Variants in KIF15 observed in about 807,000 individuals in gnomAD.
The protein encoded by KIF15 is kinesin family member 15, also known as kinesin-like protein KIF15.
KIF15 carries 140 observed loss-of-function variants against 190.6 expected under a neutral mutation model. That is an observed-to-expected ratio of 0.73 (90% CI 0.64 to 0.84). KIF15 has a LOEUF of 0.84. Among genes scored for constraint, KIF15 ranks in the 40% least tolerant of loss-of-function variants. KIF15 has a pLI of 0.00. For missense variants in KIF15, 1,372 were observed against 1,584.4 expected, an observed-to-expected ratio of 0.87 and a Z score of 2.28; for synonymous variants, 528 against 551.3, an observed-to-expected ratio of 0.96 and a Z score of 0.59.
At chr3:44,798,893 C>T (rs535359864) in intron 10 of KIF15, among the ~76,000 whole-genome samples, 11 of 152,306 alleles carry the variant, frequency 7.2e-5, no homozygotes, top group South Asian at 2.1e-4. Context: ...CTGCGCCCAA[C>T]TTCTGATGCC....
At chr3:44,773,300 G>C (rs1233968011) in intron 1 of KIF15, among the ~76,000 whole-genome samples, 3 of 152,216 alleles carry the variant, frequency 2.0e-5, no homozygotes, top group African/African-American at 7.2e-5. Context: ...TTTAATTGCT[G>C]TTTCTTCCCT....
At position 44,775,302 on chromosome 3, in the gene KIF15, A is replaced by G. The variant is rs142417773; in HGVS notation, c.111A>G (p.Ala37=). The change falls in exon 3 of 35, where the codon GCA becomes GCG. Residue 37 remains alanine, a synonymous_variant. Transcript: ENST00000326047. The part of the protein sequence containing the change: ...IKVFVRIRPP[A]ERSGSADGEQ... ...TTTTTGTGCGAATTCGTCCTCCTGCAGAAAGATCTGGGTCAGCTGATGGAG... is the reference window on the plus strand; with the variant it reads ...TTTTTGTGCGAATTCGTCCTCCTGCGGAAAGATCTGGGTCAGCTGATGGAG... The G allele has an allele frequency of 9.7e-5, 156 of 1,614,092 alleles. No homozygotes were observed. The African/African-American group carries it at 1.9e-3, about 19-fold the overall frequency.
chr3:44,840,454 C>T lies in KIF15; in HGVS notation c.3418C>T (p.Gln1140Ter). The T allele has an allele frequency of 6.3e-7, 1 of 1,581,718 alleles. No individual in the cohort carries two copies. The highest frequency in any genetic ancestry group is 8.6e-7 in the Non-Finnish European group (1 of 1,160,816). ...GATGGATTCTGCTGCTGAGGATCCC[C>T]AGGTACTTTTCAGAAAAAGATTATT... ...HVMDSAAEDP[Q>*]SPKTPPHFQT... The change falls in exon 28 of 35, where the codon CAG (glutamine) becomes TAG (stop). Residue 1140 changes from glutamine (Q) to a stop codon, truncating the protein, a stop_gained and splice_region_variant. Transcript: ENST00000326047. LOFTEE classifies it high-confidence loss of function.
intron 20 of KIF15, among the ~76,000 whole-genome samples, chr3:44,825,305 A>G (rs1285707901): frequency 6.6e-6 from 1 of 152,184 alleles, no homozygotes; most frequent in Non-Finnish European, 1.5e-5. Context: ...TCTATTGCCC[A>G]TGTATCTGTC....
At chr3:44,821,888 G>A (rs540965202) in intron 20 of KIF15, among the ~76,000 whole-genome samples, 164 of 152,368 alleles carry the variant, frequency 1.1e-3, no homozygotes, top group Non-Finnish European at 1.8e-3. Flanking sequence ...TCGGGAGGCC[G>A]AGGCTGGCGG....
chr3:44,847,877 G>T, intron 30 of KIF15, 108 bp from the exon 31 acceptor site: 1 of 754,378 alleles, frequency 1.3e-6, no homozygotes, highest in Non-Finnish European at 2.2e-6. Context: ...GCCTTTCTTT[G>T]TACACCTTGG....
chr3:44,841,547 G>A lies in KIF15; in HGVS notation c.3585+309G>A, dbSNP rs182624592. 5.3e-4 allele frequency among the ~76,000 whole-genome samples: 80 copies of A among 151,936 alleles called. No individual in the cohort carries two copies. The East Asian group carries it at 0.012, about 23-fold the overall frequency. The stretch of plus-strand genomic sequence containing the variant: ...CGAGTAGCTGGGACTACAGGCGCCC[G>A]CCACCACACTCGGCTAATTTTTTGT... On this transcript the variant is annotated intron_variant, in intron 29 of 34. Coordinates refer to ENST00000326047, the MANE Select transcript of KIF15 (RefSeq NM_020242.3).
intron 19 of KIF15, 55 bp downstream of exon 19, chr3:44,813,235 C>T: frequency 1.0e-6 from 1 of 965,010 alleles, no homozygotes; most frequent in Non-Finnish European, 1.6e-6. Flanking sequence ...AACTCAATAT[C>T]TTTTTACTTT....
intron 1 of KIF15, among the ~76,000 whole-genome samples, chr3:44,770,898 C>T (rs562165916): frequency 3.3e-5 from 5 of 152,242 alleles, no homozygotes; most frequent in South Asian, 2.1e-4. Flanking sequence ...ATGGTCCAAG[C>T]GAAAGTCAAA....
intron 26 of KIF15, among the ~76,000 whole-genome samples, chr3:44,832,595 T>C (rs2125701914): frequency 6.6e-6 from 1 of 152,350 alleles, no homozygotes; most frequent in Middle Eastern, 3.4e-3. Context: ...ATGCATTTTA[T>C]ACATACCAGT....
At chr3:44,763,529 T>G (rs1386750533) in intron 1 of KIF15, among the ~76,000 whole-genome samples, 6 of 152,018 alleles carry the variant, frequency 3.9e-5, no homozygotes, top group Non-Finnish European at 8.8e-5. Flanking sequence ...CTCGATCTCC[T>G]GACCTCGTGA....
At chr3:44,848,105 T>G in intron 31 of KIF15, 48 bp downstream of exon 31, 1 of 1,131,304 alleles carries the variant, frequency 8.8e-7, no homozygotes. Context: ...GAGCAATGCT[T>G]TTATAGTTAG....
At position 44,853,005 on chromosome 3, in the gene KIF15, C is replaced by G. The variant is rs1699116219; in HGVS notation, c.*270C>G. On this transcript the variant is annotated 3_prime_UTR_variant, in exon 35 of 35. Coordinates refer to ENST00000326047, the MANE Select transcript of KIF15 (RefSeq NM_020242.3). ...CCTTTTGTCTTTGTAAAAATAAAAG[C>G]CTGTAGCTAAGGTTTACAGTGGACA... is the stretch of plus-strand genomic sequence containing the variant. 1 of 256,116 alleles carries G rather than the reference C, an allele frequency of 3.9e-6. No homozygotes were observed. Among genetic ancestry groups the G allele is most frequent in the Non-Finnish European group, 7.3e-6 (1 of 137,630 alleles). 15.9% of individuals were successfully genotyped at this position (256,116 alleles called of 1,614,324 possible). A position where few individuals can be genotyped will look rare whatever the true frequency, so the allele number is the denominator to read the frequency against.
chr3:44,834,704 C>T, intron 26 of KIF15, among the ~76,000 whole-genome samples: 1 of 151,162 alleles, frequency 6.6e-6, no homozygotes. Context: ...GTAGGTGGAT[C>T]ACAAGGTCAG....
intron 1 of KIF15, among the ~76,000 whole-genome samples, chr3:44,767,207 A>G (rs1705433709): frequency 1.3e-5 from 2 of 152,104 alleles, no homozygotes; most frequent in South Asian, 4.1e-4. Context: ...ACTCTTTTTT[A>G]ACAGAATTAT....
chr3:44,808,365 T>G (rs1707616628), intron 16 of KIF15, among the ~76,000 whole-genome samples: 1 of 152,184 alleles, frequency 6.6e-6, no homozygotes, highest in Non-Finnish European at 1.5e-5. Context: ...TTGTTTTAGT[T>G]GGACAACTAC....
Position 44,797,647 on chromosome 3 carries a change from A to T in KIF15, c.946A>T (p.Arg316Ter). Reference protein sequence around the residue: ...GNGKQRHVCYRDSKLTFLLRD... With the variant: ...GNGKQRHVCY ...TGGAAAACAGAGACATGTTTGCTACAGAGACTCCAAACTTACCTTCTTACT... is the reference window on the plus strand; with the variant it reads ...TGGAAAACAGAGACATGTTTGCTACTGAGACTCCAAACTTACCTTCTTACT... The change falls in exon 9 of 35, where the codon AGA becomes TGA. Residue 316 changes from arginine to a stop codon, truncating the protein, a stop_gained. Transcript: ENST00000326047. LOFTEE classifies it high-confidence loss of function. The T allele has an allele frequency of 6.2e-7, 1 of 1,614,162 alleles. No individual in the cohort carries two copies. The highest frequency in any genetic ancestry group is 8.5e-7 in the Non-Finnish European group (1 of 1,180,014).
intron 33 of KIF15, 127 bp from the exon 34 acceptor site, chr3:44,852,081 G>A (rs1699081128): frequency 1.4e-6 from 2 of 1,416,242 alleles, no homozygotes; most frequent in Admixed American, 4.4e-5. Context: ...AGAGTTGTGA[G>A]GCCTTGAAAG....
intron 20 of KIF15, among the ~76,000 whole-genome samples, chr3:44,817,456 T>G (rs1368229620): frequency 2.0e-5 from 3 of 152,230 alleles, no homozygotes; most frequent in Non-Finnish European, 4.4e-5. Context: ...GCTTTCTACA[T>G]ATGGCTAGCC....
Sources: gnomAD v4.1 joint callset for allele counts (sites outside exome capture counted in the v4.1 genomes callset) on GRCh38, gnomAD v4.1.1 for gene constraint, MANE v1.5 for transcripts, NCBI Gene and HGNC (gene_info 2026-07-23, HGNC 2026-07-21) for gene names.